The following ERC1 variants were observed in gnomAD, a reference collection of about 807,000 sequenced individuals.
ERC1 encodes ELKS/RAB6-interacting/CAST family member 1.
In ERC1, 56 loss-of-function variants were observed where a neutral mutation model predicts 132.0. That is an observed-to-expected ratio of 0.42 (90% CI 0.34 to 0.53). The LOEUF (loss-of-function observed/expected upper bound fraction) is 0.53. ERC1 is among the 20% of genes least tolerant of loss of function. ERC1 has a pLI of 0.03. For synonymous variants in ERC1, 478 were observed against 476.1 expected (o/e 1.00, Z -0.05); for missense variants, 1,202 against 1,349.9 (o/e 0.89, Z 1.72).
chr12:1,363,023 C>T (rs1158181169), intron 15 of ERC1, among the ~76,000 whole-genome samples: 3 of 152,142 alleles, frequency 2.0e-5, no homozygotes, highest in Admixed American at 6.6e-5. Context: ...TTTAGACATA[C>T]ATTTTGGTGA....
chr12:1,451,756 T>G (rs1006645755), intron 18 of ERC1, among the ~76,000 whole-genome samples: 1 of 152,234 alleles, frequency 6.6e-6, no homozygotes, highest in African/African-American at 2.4e-5. Context: ...CAACTTCCGT[T>G]ATGGCCAGAA....
In ERC1 at chr12:1,473,236, T is replaced by C. The variant is rs545798164; in HGVS notation, c.3214-16857T>C. ...TAGAGACAGGGTTTCACCATGTTGA[T>C]CAGGCTGGTCTTGAACTCCTGACCT... On this transcript the variant is annotated intron_variant, in intron 18 of 18. Coordinates refer to ENST00000360905, the MANE Select transcript of ERC1 (RefSeq NM_178040.4). Among the ~76,000 whole-genome samples, 213 of 152,140 alleles carry C rather than the reference T, an allele frequency of 1.4e-3. 1 individual carries two copies. The highest frequency in any genetic ancestry group is 5.0e-3 in the African/African-American group (206 of 41,500).
intron 2 of ERC1, among the ~76,000 whole-genome samples, chr12:1,081,944 A>G (rs1385747508): frequency 6.8e-6 from 1 of 147,704 alleles, no homozygotes; most frequent in Non-Finnish European, 1.5e-5. Context: ...GCATATACAA[A>G]CTACTTGTTA....
At chr12:1,161,297 G>C (rs554722268) in intron 8 of ERC1, among the ~76,000 whole-genome samples, 1 of 152,252 alleles carries the variant, frequency 6.6e-6, no homozygotes, top group South Asian at 2.1e-4. Flanking sequence ...GCTGAGTCTT[G>C]AAAGTTTGCA....
chr12:1,243,203 AAAAG>A (rs1278887854), intron 13 of ERC1, among the ~76,000 whole-genome samples: 4 of 143,966 alleles, frequency 2.8e-5, no homozygotes, highest in African/African-American at 1.1e-4. Flanking sequence ...CAAAAAAAAA[AAAAG>A]AAAAAAAAAA....
At chr12:1,264,422 G>C (rs1039121463) in intron 14 of ERC1, among the ~76,000 whole-genome samples, 1 of 152,126 alleles carries the variant, frequency 6.6e-6, no homozygotes, top group African/African-American at 2.4e-5. Context: ...CAGCACTTTG[G>C]GAGGCCGAGG....
At chr12:1,451,721 T>C (rs560684637) in intron 18 of ERC1, among the ~76,000 whole-genome samples, 7 of 152,342 alleles carry the variant, frequency 4.6e-5, no homozygotes, top group Admixed American at 4.6e-4. Flanking sequence ...CTATGTTTTA[T>C]TTGTATGAGG....
At chr12:1,082,551 T>C (rs146236359) in intron 2 of ERC1, among the ~76,000 whole-genome samples, 3,548 of 148,306 alleles carry the variant, frequency 0.024, 56 homozygotes, top group Middle Eastern at 0.061. Flanking sequence ...GTGCAATGAG[T>C]GCAGTCTTGG....
chr12:1,236,861 G>T lies in ERC1; in HGVS notation c.2444G>T (p.Arg815Leu). The T allele has an allele frequency of 1.2e-6, 2 of 1,614,114 alleles. No individual in the cohort carries two copies. The highest frequency in any genetic ancestry group is 1.7e-6 in the Non-Finnish European group (2 of 1,179,984). ...AGTGCACAAATGTTAGAGGAGGCGCGACGACGGGAGGACAATCTCAACGAC... is the reference window on the plus strand; with the variant it reads ...AGTGCACAAATGTTAGAGGAGGCGCTACGACGGGAGGACAATCTCAACGAC... ...KKSAQMLEEA[R>L]RREDNLNDSS... Residue 815 changes from arginine to leucine, a missense_variant, in exon 13 of 19, where the codon CGA becomes CTA. Arg to Leu is a moderately radical substitution (Grantham distance 102). Transcript: ENST00000360905.
At chr12:1,326,558 A>G (rs1233003798) in intron 15 of ERC1, among the ~76,000 whole-genome samples, 1 of 152,238 alleles carries the variant, frequency 6.6e-6, no homozygotes, top group Non-Finnish European at 1.5e-5. Context: ...ACTATATGCA[A>G]GAAGAATTTA....
At chr12:1,451,799 A>C (rs2093430342) in intron 18 of ERC1, among the ~76,000 whole-genome samples, 1 of 152,188 alleles carries the variant, frequency 6.6e-6, no homozygotes. Context: ...CCTATGTTGA[A>C]GTCTTAACCC....
At chr12:1,488,496 C>T (rs894841425) in intron 18 of ERC1, among the ~76,000 whole-genome samples, 5 of 152,046 alleles carry the variant, frequency 3.3e-5, no homozygotes, top group African/African-American at 1.2e-4. Context: ...TCAAGACAAG[C>T]GTAGGCAATA....
At chr12:1,019,602 G>T (rs1403509756) in intron 1 of ERC1, among the ~76,000 whole-genome samples, 1 of 152,160 alleles carries the variant, frequency 6.6e-6, no homozygotes, top group Non-Finnish European at 1.5e-5. Flanking sequence ...TGGACCTCCT[G>T]CAAGGGGGTC....
chr12:1,408,351 A>G (rs561532835), intron 17 of ERC1, 104 bp downstream of exon 17: 2 of 707,684 alleles, frequency 2.8e-6, no homozygotes, highest in South Asian at 2.1e-5. Flanking sequence ...TTAGAAGAAT[A>G]AAAATAAATA....
chr12:1,418,621 T>TCTCTC, intron 17 of ERC1, among the ~76,000 whole-genome samples: 1 of 118,724 alleles, frequency 8.4e-6, no homozygotes, highest in African/African-American at 5.0e-5. Flanking sequence ...CTTTCTTTCT[T>TCTCTC]TCTTTCTTTC....
At chr12:1,389,478 G>A (rs2154381918) in intron 16 of ERC1, among the ~76,000 whole-genome samples, 1 of 152,318 alleles carries the variant, frequency 6.6e-6, no homozygotes, top group South Asian at 2.1e-4. Context: ...AGTTCAATGA[G>A]CATATGCCCT....
intron 8 of ERC1, among the ~76,000 whole-genome samples, chr12:1,151,146 AG>A (rs1273554236): frequency 6.6e-6 from 1 of 152,246 alleles, no homozygotes; most frequent in East Asian, 1.9e-4. Context: ...GCAGTGTATT[AG>A]GGTTAAGAAT....
chr12:1,374,036 G>A (rs984919107), intron 16 of ERC1, among the ~76,000 whole-genome samples: 2 of 152,212 alleles, frequency 1.3e-5, no homozygotes, highest in South Asian at 2.1e-4. Flanking sequence ...AAGAAGGAAG[G>A]AGTCTTGCCA....
chr12:1,477,157 AGAG>A (rs1358065947), intron 18 of ERC1, among the ~76,000 whole-genome samples: 1 of 152,176 alleles, frequency 6.6e-6, no homozygotes, highest in African/African-American at 2.4e-5. Flanking sequence ...GGGACATAGA[AGAG>A]TTATTATGCT....
Sources: allele counts gnomAD v4.1 joint callset (sites outside exome capture counted in the v4.1 genomes callset), GRCh38; gene constraint gnomAD v4.1.1; transcripts MANE v1.5; gene names NCBI Gene and HGNC (gene_info 2026-07-23, HGNC 2026-07-21).